PDK3: variants seen among roughly 807,000 people sequenced by gnomAD.
The protein encoded by PDK3 is pyruvate dehydrogenase kinase, isozyme 3.
A neutral mutation model predicts 32.0 loss-of-function variants in PDK3; 12 were observed. The observed-to-expected ratio is 0.37, with a 90% CI of 0.24 to 0.61. PDK3 has a LOEUF of 0.61. Among genes scored for constraint, PDK3 ranks in the 20% least tolerant of loss-of-function variants. The pLI is 0.65. For missense variants in PDK3, 188 were observed against 316.9 expected, an observed-to-expected ratio of 0.59 and a Z score of 3.09; for synonymous variants, 122 against 116.3, an observed-to-expected ratio of 1.05 and a Z score of -0.31.
intron 1 of PDK3, among the ~76,000 whole-genome samples, chrX:24,466,049 T>C (rs1028897329): frequency 1.8e-5 from 2 of 110,821 alleles, no homozygotes; most frequent in African/African-American, 6.6e-5. Flanking sequence ...ACTCGAACTG[T>C]TGTCTTCATC....
intron 5 of PDK3, among the ~76,000 whole-genome samples, chrX:24,518,696 AAAG>A (rs1230024863): frequency 8.9e-6 from 1 of 111,954 alleles, no homozygotes; most frequent in Non-Finnish European, 1.9e-5. Flanking sequence ...AAAAAATAGA[AAAG>A]AGAAATTTTG....
At chrX:24,537,344 G>A (rs1376838735), downstream of PDK3, among the ~76,000 whole-genome samples, 1 of 99,915 alleles carries the variant, frequency 1.0e-5, no homozygotes. Context: ...TGTTGGCCAG[G>A]CTGGTCTCGA....
At chrX:24,516,009 C>G (rs936045667) in intron 5 of PDK3, among the ~76,000 whole-genome samples, 17 of 111,364 alleles carry the variant, frequency 1.5e-4, no homozygotes, top group African/African-American at 5.6e-4. Context: ...AGAATTCTTA[C>G]TCTGAGGTCA....
Position 24,465,352 on chromosome X carries a change from C to T in PDK3, c.-104C>T, listed in dbSNP as rs764921289. On this transcript the variant is annotated 5_prime_UTR_variant, in exon 1 of 11. Coordinates refer to ENST00000379162, the MANE Select transcript of PDK3 (RefSeq NM_005391.5). Reference sequence around the variant, plus strand: ...GCGGCGCCGAGGCCGAGATCGAGGCCGGGGTGCGCGCTTCGCAAACGTGCC... The same window carrying T: ...GCGGCGCCGAGGCCGAGATCGAGGCTGGGGTGCGCGCTTCGCAAACGTGCC... The T allele has an allele frequency of 5.4e-4, 280 of 514,902 alleles. No homozygotes were observed. Among genetic ancestry groups the T allele is most frequent in the East Asian group, 2.7e-4 (6 of 22,251 alleles). 42.4% of individuals were successfully genotyped at this position (514,902 alleles called of 1,213,427 possible).
Position 24,496,568 on chromosome X carries a change from C to CTTTTTTTTTTTTTTTTTTTTTTTTTTT in PDK3, c.248+1708_248+1709insTTTTTTTTTTTTTTTTTTTTTTTTTTT, listed in dbSNP as rs763095558. The stretch of plus-strand genomic sequence containing the variant: ...CTAATTGTCCTGATACTACCCCCAT[C>CTTTTTTTTTTTTTTTTTTTTTTTTTTT]TTTTTTTTTTTTTTTTTTTTTTTGC... On this transcript the variant is annotated intron_variant, in intron 2 of 10. Coordinates refer to ENST00000379162, the MANE Select transcript of PDK3 (RefSeq NM_005391.5). Among the ~76,000 whole-genome samples the CTTTTTTTTTTTTTTTTTTTTTTTTTTT allele has an allele frequency of 6.6e-4, 26 of 39,326 alleles. 3 individuals carry two copies. Among genetic ancestry groups the CTTTTTTTTTTTTTTTTTTTTTTTTTTT allele is most frequent in the African/African-American group, 1.6e-3 (14 of 9,000 alleles). The allele number at this position is 39,326 out of a possible 115,157, so 34.1% of individuals were successfully genotyped here.
chrX:24,511,848 CA>C lies in PDK3; in HGVS notation c.595+6566del, dbSNP rs769237369. On this transcript the variant is annotated intron_variant, in intron 5 of 10. Coordinates refer to ENST00000379162, the MANE Select transcript of PDK3 (RefSeq NM_005391.5). Reference sequence around the variant, plus strand: ...GGGCAACAAGAGTGAAGCTCCATCTCAAAAAAAAAAAAAAAACCACACAAAC... The same window carrying C: ...GGGCAACAAGAGTGAAGCTCCATCTCAAAAAAAAAAAAAAACCACACAAAC... 7.2e-3 allele frequency among the ~76,000 whole-genome samples: 385 copies of C among 53,201 alleles called. 2 individuals are homozygous for C. Among genetic ancestry groups the C allele is most frequent in the African/African-American group, 0.02 (293 of 14,491 alleles). 46.2% of individuals were successfully genotyped at this position (53,201 alleles called of 115,157 possible). A position where few individuals can be genotyped will look rare whatever the true frequency, so the allele number is the denominator to read the frequency against.
chrX:24,478,982 G>T lies in PDK3; in HGVS notation c.106+13421G>T, dbSNP rs143654502. Among the ~76,000 whole-genome samples, 548 of 112,171 alleles carry T rather than the reference G, an allele frequency of 4.9e-3. 4 individuals carry two copies. Among genetic ancestry groups the T allele is most frequent in the African/African-American group, 0.017 (517 of 30,888 alleles). On this transcript the variant is annotated intron_variant, in intron 1 of 10. Transcript: ENST00000379162. ...GAAGTTAAATATTTTGCCATGTGTT[G>T]CTGGCCAGAAAACAGTAGGGCCTTT... is the stretch of plus-strand genomic sequence containing the variant.
intron 5 of PDK3, among the ~76,000 whole-genome samples, chrX:24,507,123 A>G (rs1922004605): frequency 9.0e-6 from 1 of 111,151 alleles, no homozygotes; most frequent in East Asian, 2.8e-4. Context: ...GAACATTTTC[A>G]TCACTCCAGA....
chrX:24,498,949 G>C (rs1000196239), intron 3 of PDK3, 49 bp downstream of exon 3: 2 of 779,444 alleles, frequency 2.6e-6, no homozygotes, highest in Non-Finnish European at 3.7e-6. Flanking sequence ...AGGTAAGAAA[G>C]ATTTTGGTAA....
At chrX:24,526,368 G>A (rs1489283093) in intron 7 of PDK3, 94 bp downstream of exon 7, 12 of 534,029 alleles carry the variant, frequency 2.2e-5, no homozygotes. Flanking sequence ...ATAAGAAAAA[G>A]GTTTTGCATA....
chrX:24,472,984 G>A (rs1336756127), intron 1 of PDK3, among the ~76,000 whole-genome samples: 1 of 109,393 alleles, frequency 9.1e-6, no homozygotes, highest in Non-Finnish European at 1.9e-5. Context: ...ACAGCCCCTG[G>A]CCTGGCTCAC....
chrX:24,528,221 A>G (rs1359596755), intron 9 of PDK3, 35 bp downstream of exon 9: 1 of 796,669 alleles, frequency 1.3e-6, no homozygotes, highest in Non-Finnish European at 1.9e-6. Flanking sequence ...AGGAAAGATC[A>G]TAAACACAGG....
At chrX:24,478,771 T>A (rs1253759760) in intron 1 of PDK3, among the ~76,000 whole-genome samples, 1 of 112,447 alleles carries the variant, frequency 8.9e-6, no homozygotes, top group Non-Finnish European at 1.9e-5. Flanking sequence ...AGTGGTATGT[T>A]ATTTCCCTAA....
rs1195105818 is a variant in PDK3 at position 24,497,604 on chromosome X, G to T, written c.249-1225G>T. On this transcript the variant is annotated intron_variant, in intron 2 of 10. Coordinates refer to ENST00000379162, the MANE Select transcript of PDK3 (RefSeq NM_005391.5). ...CCCAGCCCCCAGAGACTTTTAAAAA[G>T]TATGTCCATCAATGAACATTCATTA... Among the ~76,000 whole-genome samples the T allele has an allele frequency of 1.5e-4, 17 of 112,896 alleles. 1 individual carries two copies. The Admixed American group carries it at 1.6e-3, about 11-fold the overall frequency.
At chrX:24,465,593 C>T in intron 1 of PDK3, 32 bp downstream of exon 1, 2 of 1,024,931 alleles carry the variant, frequency 2.0e-6, no homozygotes, top group Non-Finnish European at 2.7e-6. Context: ...CCCATGGGCC[C>T]GGGGCCGCCG....
At chrX:24,512,523 A>T (rs149635731) in intron 5 of PDK3, among the ~76,000 whole-genome samples, 159 of 112,031 alleles carry the variant, frequency 1.4e-3, no homozygotes, top group African/African-American at 4.9e-3. Context: ...TAATCCAAGG[A>T]CAGGAAGCAC....
At chrX:24,520,142 G>A (rs186165840) in intron 6 of PDK3, among the ~76,000 whole-genome samples, 3 of 111,972 alleles carry the variant, frequency 2.7e-5, no homozygotes, top group Admixed American at 1.9e-4. Context: ...GCAGTGAGCC[G>A]AGATAGTGCC....
intron 5 of PDK3, among the ~76,000 whole-genome samples, chrX:24,505,602 T>C (rs747088750): frequency 8.9e-6 from 1 of 112,534 alleles, no homozygotes; most frequent in African/African-American, 3.2e-5. Flanking sequence ...GCCACTGTTA[T>C]CTGAAAATTT....
rs764492428 is a variant in PDK3 at position 24,515,598 on chromosome X, C to T, written c.596-3335C>T. Among the ~76,000 whole-genome samples the T allele has an allele frequency of 6.3e-5, 7 of 111,693 alleles. No individual in the cohort carries two copies. The South Asian group carries it at 2.6e-3, about 41-fold the overall frequency. ...GAATGATCGTTTTTAGGTTTCAGTG[C>T]TTGTGATCTTGGAAGTTTGTGTTCA... On this transcript the variant is annotated intron_variant, in intron 5 of 10. Coordinates refer to ENST00000379162, the MANE Select transcript of PDK3 (RefSeq NM_005391.5).
Sources: gnomAD v4.1 joint callset for allele counts (sites outside exome capture counted in the v4.1 genomes callset) on GRCh38, gnomAD v4.1.1 for gene constraint, MANE v1.5 for transcripts, NCBI Gene and HGNC (gene_info 2026-07-23, HGNC 2026-07-21) for gene names.